SNX29: variants seen among roughly 807,000 people sequenced by gnomAD.
SNX29 encodes the protein sorting nexin-29.
SNX29 carries 78 observed loss-of-function variants against 102.1 expected under a neutral mutation model. The observed-to-expected ratio is 0.76, with a 90% CI of 0.64 to 0.92. The LOEUF (loss-of-function observed/expected upper bound fraction) is 0.92, where lower values mean the gene tolerates loss of function less well. SNX29 is among the 40% of genes least tolerant of loss of function. The pLI is 0.00. For missense variants in SNX29, 1,280 were observed against 1,061.7 expected (o/e 1.21, Z -2.86); for synonymous variants, 580 against 414.5 (o/e 1.40, Z -4.85).
chr16:12,543,218 A>C (rs1165642249), intron 20 of SNX29, among the ~76,000 whole-genome samples: 1 of 152,210 alleles, frequency 6.6e-6, no homozygotes, highest in African/African-American at 2.4e-5. Context: ...TGCTCCTGAT[A>C]GCTGTAGCGG....
chr16:12,234,289 G>C (rs1050532395), intron 14 of SNX29, among the ~76,000 whole-genome samples: 1 of 152,104 alleles, frequency 6.6e-6, no homozygotes, highest in African/African-American at 2.4e-5. Context: ...GTTTCAATTT[G>C]CATTTCCCTG....
intron 14 of SNX29, among the ~76,000 whole-genome samples, chr16:12,241,060 T>G (rs2078089525): frequency 6.6e-6 from 1 of 152,210 alleles, no homozygotes; most frequent in African/African-American, 2.4e-5. Flanking sequence ...TGGGAACAAG[T>G]TTCTGCTTGC....
intron 20 of SNX29, among the ~76,000 whole-genome samples, chr16:12,552,339 C>T (rs1166663363): frequency 2.6e-5 from 4 of 152,178 alleles, no homozygotes; most frequent in African/African-American, 7.2e-5. Context: ...CTCCTGGCTT[C>T]TGTGAGGGTT....
intron 17 of SNX29, among the ~76,000 whole-genome samples, chr16:12,402,918 G>T (rs1385778317): frequency 1.3e-5 from 2 of 152,130 alleles, no homozygotes; most frequent in African/African-American, 4.8e-5. Flanking sequence ...CACCCTTGTT[G>T]CCATGAGTGT....
chr16:12,234,172 C>T (rs1262560755), intron 14 of SNX29, among the ~76,000 whole-genome samples: 1 of 152,108 alleles, frequency 6.6e-6, no homozygotes, highest in Non-Finnish European at 1.5e-5. Context: ...AATGAAGGTT[C>T]CAGTTATTCT....
intron 20 of SNX29, among the ~76,000 whole-genome samples, chr16:12,544,558 G>C (rs947300371): frequency 6.6e-5 from 10 of 152,236 alleles, no homozygotes; most frequent in East Asian, 1.9e-4. Context: ...GAATGTTACA[G>C]TGATGGATTC....
At chr16:11,998,745 G>T (rs1338332118) in intron 1 of SNX29, among the ~76,000 whole-genome samples, 1 of 152,198 alleles carries the variant, frequency 6.6e-6, no homozygotes, top group Admixed American at 6.5e-5. Context: ...TCATTGGCCA[G>T]ACTGCTTAAG....
intron 20 of SNX29, among the ~76,000 whole-genome samples, chr16:12,539,992 T>A (rs974915026): frequency 6.6e-6 from 1 of 151,034 alleles, no homozygotes; most frequent in Non-Finnish European, 1.5e-5. Flanking sequence ...AGTCTTCAGC[T>A]TCTTTTCAGT....
At chr16:12,130,883 T>A (rs906847572) in intron 13 of SNX29, among the ~76,000 whole-genome samples, 1 of 152,180 alleles carries the variant, frequency 6.6e-6, no homozygotes, top group Admixed American at 6.5e-5. Context: ...GCATCAGAAT[T>A]CGTTTAACCA....
chr16:12,541,895 T>A (rs1485973987), intron 20 of SNX29, among the ~76,000 whole-genome samples: 1 of 152,200 alleles, frequency 6.6e-6, no homozygotes, highest in Non-Finnish European at 1.5e-5. Context: ...TTTATGATGA[T>A]GCAACAGATG....
At chr16:12,026,684 G>A (rs1017858478) in intron 3 of SNX29, among the ~76,000 whole-genome samples, 7 of 152,106 alleles carry the variant, frequency 4.6e-5, no homozygotes, top group African/African-American at 1.4e-4. Flanking sequence ...AGTTCACAAT[G>A]TATTCTCTTA....
intron 13 of SNX29, among the ~76,000 whole-genome samples, chr16:12,156,763 C>T (rs2055569138): frequency 6.6e-6 from 1 of 152,252 alleles, no homozygotes; most frequent in Admixed American, 6.5e-5. Context: ...ATTCTCAGGG[C>T]TGTCTGTTTA....
intron 1 of SNX29, among the ~76,000 whole-genome samples, chr16:11,990,564 T>G (rs1249691788): frequency 6.6e-6 from 1 of 152,020 alleles, no homozygotes; most frequent in African/African-American, 2.4e-5. Flanking sequence ...TGGTTGTGGA[T>G]TTTGGGGGGT....
intron 20 of SNX29, among the ~76,000 whole-genome samples, chr16:12,567,978 C>A (rs573314171): frequency 6.6e-6 from 1 of 152,152 alleles, no homozygotes; most frequent in South Asian, 2.1e-4. Context: ...GTGTTATCTT[C>A]CACTGTTCCT....
At position 12,323,227 on chromosome 16, in the gene SNX29, C is replaced by CT. The variant is rs1437889829; in HGVS notation, c.1783-32935dup. 1.3e-4 allele frequency among the ~76,000 whole-genome samples: 19 copies of CT among 151,476 alleles called. 1 individual carries two copies. The highest frequency in any genetic ancestry group is 3.9e-4 in the African/African-American group (16 of 41,236). ...TGGTCACTGGAGTCACCGGGGACCA[C>CT]TGTCAGGATGTGGTCACTGGAGTCA... On this transcript the variant is annotated intron_variant, in intron 15 of 20. Coordinates refer to ENST00000566228, the MANE Select transcript of SNX29 (RefSeq NM_032167.5).
At chr16:12,536,848 C>G (rs1409584117) in intron 20 of SNX29, among the ~76,000 whole-genome samples, 1 of 152,088 alleles carries the variant, frequency 6.6e-6, no homozygotes, top group African/African-American at 2.4e-5. Flanking sequence ...TGGTGGTGCA[C>G]ACCTGTAATT....
chr16:12,245,800 A>G (rs2078243025), intron 14 of SNX29, among the ~76,000 whole-genome samples: 2 of 151,664 alleles, frequency 1.3e-5, no homozygotes, highest in Admixed American at 1.3e-4. Context: ...GTTGATGGTG[A>G]GGGTAGGGAG....
intron 20 of SNX29, among the ~76,000 whole-genome samples, chr16:12,556,065 TATTAATCTTATAGAATTAATTTC>T (rs1388561139): frequency 1.3e-5 from 2 of 151,486 alleles, no homozygotes; most frequent in Admixed American, 6.7e-5. Flanking sequence ...GTGCTTTTCT[TATTAATCTTATAGAATTAATTTC>T]TGCTTTCATT....
chr16:11,978,992 T>G (rs2150956477), intron 1 of SNX29, among the ~76,000 whole-genome samples: 1 of 151,784 alleles, frequency 6.6e-6, no homozygotes, highest in South Asian at 2.1e-4. Flanking sequence ...AATCATTACG[T>G]CTGCTGGGTG....
Sources: gnomAD v4.1 joint callset for allele counts (sites outside exome capture counted in the v4.1 genomes callset) on GRCh38, gnomAD v4.1.1 for gene constraint, MANE v1.5 for transcripts, NCBI Gene and HGNC (gene_info 2026-07-23, HGNC 2026-07-21) for gene names.